The following GRID2 variants were observed in gnomAD, a reference collection of about 807,000 sequenced individuals.
GRID2 encodes glutamate ionotropic receptor delta type subunit 2, also known as glutamate receptor ionotropic, delta-2.
Under a neutral mutation model 114.8 loss-of-function variants are expected in GRID2, and 33 were observed. The observed-to-expected ratio is 0.29, with a 90% CI of 0.22 to 0.38. The LOEUF (loss-of-function observed/expected upper bound fraction) is 0.38, where lower values mean the gene tolerates loss of function less well. GRID2 is among the 10% of genes least tolerant of loss of function. The pLI, the probability that GRID2 is intolerant of heterozygous loss-of-function variation, is 1.00. For synonymous variants in GRID2, 505 were observed against 449.9 expected (o/e 1.12, Z -1.55); for missense variants, 1,184 against 1,257.7 (o/e 0.94, Z 0.89).
chr4:92,701,870 C>A (rs1734690812), intron 2 of GRID2, among the ~76,000 whole-genome samples: 1 of 152,120 alleles, frequency 6.6e-6, no homozygotes, highest in African/African-American at 2.4e-5. Context: ...GGGGCATAAT[C>A]TAACCTCTGA....
At chr4:93,082,220 T>C (rs1346548447) in intron 2 of GRID2, among the ~76,000 whole-genome samples, 4 of 152,216 alleles carry the variant, frequency 2.6e-5, no homozygotes, top group Non-Finnish European at 5.9e-5. Context: ...TCAGTGGGAC[T>C]ACCTCCTTTC....
intron 8 of GRID2, among the ~76,000 whole-genome samples, chr4:93,349,529 TC>T (rs1295553429): frequency 6.6e-6 from 1 of 152,042 alleles, no homozygotes; most frequent in Non-Finnish European, 1.5e-5. Flanking sequence ...AGAATATTGC[TC>T]CTTCTAGCCC....
chr4:92,443,974 G>A (rs1371966484), intron 1 of GRID2, among the ~76,000 whole-genome samples: 3 of 152,180 alleles, frequency 2.0e-5, no homozygotes, highest in Non-Finnish European at 4.4e-5. Flanking sequence ...TAAGAGATGG[G>A]AGAGATTGAA....
At chr4:93,194,137 A>G (rs1316518601) in intron 4 of GRID2, among the ~76,000 whole-genome samples, 1 of 152,212 alleles carries the variant, frequency 6.6e-6, no homozygotes, top group African/African-American at 2.4e-5. Context: ...GTGGAATCCA[A>G]TGATGTATTT....
chr4:93,594,515 G>T (rs1372710816), intron 13 of GRID2, among the ~76,000 whole-genome samples: 7 of 152,086 alleles, frequency 4.6e-5, no homozygotes, highest in Non-Finnish European at 8.8e-5. Flanking sequence ...TTGTTTGTCT[G>T]TGCCCTGCCC....
rs553218232 is a variant in GRID2, at chr4:92,523,437, T to C, written c.89-66694T>C. Reference sequence around the variant, plus strand: ...TAGATTAATTTTAAAGTTGAAACCATGAGATCAGATGTGAGCATGTTTGAG... The same window carrying C: ...TAGATTAATTTTAAAGTTGAAACCACGAGATCAGATGTGAGCATGTTTGAG... On this transcript the variant is annotated intron_variant, in intron 1 of 15. Coordinates refer to ENST00000282020, the MANE Select transcript of GRID2 (RefSeq NM_001510.4). Among the ~76,000 whole-genome samples, 11 of 152,072 alleles carry C rather than the reference T, an allele frequency of 7.2e-5. No homozygotes were observed. In the South Asian group the frequency reaches 1.0e-3, roughly 14 times the overall value.
chr4:92,878,344 T>G (rs1483111856), intron 2 of GRID2, among the ~76,000 whole-genome samples: 1 of 152,174 alleles, frequency 6.6e-6, no homozygotes, highest in Non-Finnish European at 1.5e-5. Context: ...AAAAGTATTT[T>G]TAAAAAACAA....
At chr4:93,360,039 C>G (rs1291738473) in intron 8 of GRID2, among the ~76,000 whole-genome samples, 1 of 151,472 alleles carries the variant, frequency 6.6e-6, no homozygotes, top group Non-Finnish European at 1.5e-5. Flanking sequence ...CGTAAATCTT[C>G]TTTAAAAATA....
Position 93,177,194 on chromosome 4 carries a change from A to G in GRID2, c.736-30210A>G, listed in dbSNP as rs192582733. ...GTGGGACAAAATCCCTGTGGCTTCT[A>G]TTCTGTGGCAAAGTGTATACAAATG... On this transcript the variant is annotated intron_variant, in intron 4 of 15. Transcript: ENST00000282020. 1.1e-3 allele frequency among the ~76,000 whole-genome samples: 162 copies of G among 152,262 alleles called. 2 individuals are homozygous for G. The South Asian group carries it at 0.031, about 29-fold the overall frequency.
At chr4:92,351,599 C>T (rs950747226) in intron 1 of GRID2, among the ~76,000 whole-genome samples, 4 of 151,696 alleles carry the variant, frequency 2.6e-5, no homozygotes, top group African/African-American at 9.7e-5. Flanking sequence ...AACACTAGAA[C>T]TTTTTCCTCC....
chr4:93,590,071 G>A (rs924326710), intron 13 of GRID2, among the ~76,000 whole-genome samples: 2 of 150,560 alleles, frequency 1.3e-5, no homozygotes, highest in African/African-American at 4.9e-5. Context: ...GATCCCATTT[G>A]TCAGTTTTGT....
chr4:92,316,450 A>G (rs115356455), intron 1 of GRID2, among the ~76,000 whole-genome samples: 2,032 of 152,290 alleles, frequency 0.013, 19 homozygotes, highest in Non-Finnish European at 0.021. Flanking sequence ...CTGAGAAATT[A>G]TGACTCAAAT....
intron 9 of GRID2, among the ~76,000 whole-genome samples, chr4:93,400,219 T>C (rs1765740088): frequency 6.6e-6 from 1 of 152,108 alleles, no homozygotes; most frequent in Non-Finnish European, 1.5e-5. Flanking sequence ...GGATTGCATA[T>C]GTTGGATTGA....
chr4:92,696,017 C>T (rs1734407898), intron 2 of GRID2, among the ~76,000 whole-genome samples: 1 of 152,108 alleles, frequency 6.6e-6, no homozygotes, highest in Non-Finnish European at 1.5e-5. Flanking sequence ...ACATATGCTT[C>T]ACTAAATAAT....
At chr4:92,824,468 G>A (rs1741545092) in intron 2 of GRID2, among the ~76,000 whole-genome samples, 1 of 151,836 alleles carries the variant, frequency 6.6e-6, no homozygotes, top group Non-Finnish European at 1.5e-5. Flanking sequence ...CTAGTTTCAT[G>A]GCTAGGGTTT....
chr4:93,223,926 T>A (rs545250756), intron 6 of GRID2, among the ~76,000 whole-genome samples: 1 of 152,126 alleles, frequency 6.6e-6, no homozygotes, highest in Non-Finnish European at 1.5e-5. Flanking sequence ...AAGAAGTTAA[T>A]AACATGGTTG....
At chr4:93,360,893 T>C (rs1223470362) in intron 8 of GRID2, among the ~76,000 whole-genome samples, 1 of 152,014 alleles carries the variant, frequency 6.6e-6, no homozygotes, top group East Asian at 1.9e-4. Flanking sequence ...TTTGTCTATA[T>C]TTCTTTGTTT....
At chr4:92,566,397 G>A (rs959489534) in intron 1 of GRID2, among the ~76,000 whole-genome samples, 3 of 151,662 alleles carry the variant, frequency 2.0e-5, no homozygotes, top group African/African-American at 7.3e-5. Context: ...CGAAAAAGGG[G>A]GACCAGAAAA....
chr4:92,654,829 A>T (rs1732146892), intron 2 of GRID2, among the ~76,000 whole-genome samples: 1 of 151,830 alleles, frequency 6.6e-6, no homozygotes, highest in Admixed American at 6.6e-5. Context: ...ATTTCCAAGT[A>T]TTTTCTCCCA....
Sources: allele counts gnomAD v4.1 joint callset (sites outside exome capture counted in the v4.1 genomes callset), GRCh38; gene constraint gnomAD v4.1.1; transcripts MANE v1.5; gene names NCBI Gene and HGNC (gene_info 2026-07-23, HGNC 2026-07-21).